DLGAP2: variants seen among roughly 807,000 people sequenced by gnomAD.
The protein encoded by DLGAP2 is disks large-associated protein 2.
Under a neutral mutation model 100.3 loss-of-function variants are expected in DLGAP2, and 26 were observed. That is an observed-to-expected ratio of 0.26 (90% CI 0.19 to 0.36). The LOEUF (loss-of-function observed/expected upper bound fraction) is 0.36, where lower values mean the gene tolerates loss of function less well. Among genes scored for constraint, DLGAP2 ranks in the 10% least tolerant of loss-of-function variants. The pLI, the probability that DLGAP2 is intolerant of heterozygous loss-of-function variation, is 1.00. For synonymous variants in DLGAP2, 886 were observed against 630.1 expected (o/e 1.41, Z -6.08); for missense variants, 1,858 against 1,453.2 (o/e 1.28, Z -4.53).
chr8:1,662,738 G>A (rs187468591), intron 8 of DLGAP2, among the ~76,000 whole-genome samples: 72 of 152,374 alleles, frequency 4.7e-4, no homozygotes, highest in East Asian at 1.4e-3. Context: ...AAAGTATAAC[G>A]TGCTCCACAG....
At chr8:1,530,662 A>G (rs973238476) in intron 4 of DLGAP2, among the ~76,000 whole-genome samples, 1 of 152,246 alleles carries the variant, frequency 6.6e-6, no homozygotes, top group Non-Finnish European at 1.5e-5. Context: ...AAAGACAGGC[A>G]TAAGAAATTA....
At chr8:1,040,421 GTCGGCTCAA>G (rs1802306171) in intron 2 of DLGAP2, among the ~76,000 whole-genome samples, 1 of 149,840 alleles carries the variant, frequency 6.7e-6, no homozygotes. Flanking sequence ...GGTGTGCGTG[GTCGGCTCAA>G]TGTGCGTGGT....
chr8:1,418,453 G>T (rs925185595), intron 3 of DLGAP2, among the ~76,000 whole-genome samples: 1 of 152,128 alleles, frequency 6.6e-6, no homozygotes, highest in Admixed American at 6.5e-5. Flanking sequence ...CGCTTAGCCT[G>T]AAATTATAGC....
intron 2 of DLGAP2, among the ~76,000 whole-genome samples, chr8:1,176,080 A>T (rs1395605933): frequency 6.6e-6 from 1 of 152,196 alleles, no homozygotes; most frequent in Non-Finnish European, 1.5e-5. Flanking sequence ...GAAACTGGGT[A>T]ATTTATAAAC....
chr8:1,462,773 C>A (rs1199010659), intron 3 of DLGAP2, among the ~76,000 whole-genome samples: 3 of 152,226 alleles, frequency 2.0e-5, no homozygotes, highest in African/African-American at 7.2e-5. Context: ...GGGATGCCTC[C>A]TGAACAAGCC....
At chr8:979,039 G>T (rs1399160780) in intron 2 of DLGAP2, among the ~76,000 whole-genome samples, 1 of 152,068 alleles carries the variant, frequency 6.6e-6, no homozygotes, top group Non-Finnish European at 1.5e-5. Context: ...TTCATTCTCC[G>T]CAGGAGTGTT....
chr8:1,521,760 ACACTTGTTTTAATTTGGAATACTCGGGCG>A (rs2130420988), intron 4 of DLGAP2, among the ~76,000 whole-genome samples: 1 of 84,232 alleles, frequency 1.2e-5, no homozygotes, highest in Non-Finnish European at 2.4e-5. Context: ...TCTGGTTTGC[ACACTTGTTTTAATTTGGAATACTCGGGCG>A]GCAGGTGATA....
chr8:1,531,069 C>T (rs532926225), intron 4 of DLGAP2, among the ~76,000 whole-genome samples: 1 of 152,264 alleles, frequency 6.6e-6, no homozygotes, highest in East Asian at 1.9e-4. Flanking sequence ...TATTGAGAAA[C>T]CATAAAGTTT....
At chr8:1,007,644 G>C (rs1472989644) in intron 2 of DLGAP2, among the ~76,000 whole-genome samples, 1 of 146,068 alleles carries the variant, frequency 6.8e-6, no homozygotes, top group Admixed American at 6.8e-5. Flanking sequence ...TTGGGGGGGG[G>C]ATCTTCTGTG....
At chr8:844,550 G>C (rs75081547) in intron 1 of DLGAP2, among the ~76,000 whole-genome samples, 6,579 of 151,872 alleles carry the variant, frequency 0.043, 217 homozygotes, top group African/African-American at 0.087. Context: ...GGATCAATAA[G>C]GTAGTACTGG....
chr8:1,052,530 T>C (rs1341606071), intron 2 of DLGAP2, among the ~76,000 whole-genome samples: 1 of 152,176 alleles, frequency 6.6e-6, no homozygotes, highest in Non-Finnish European at 1.5e-5. Flanking sequence ...CCAGGCATTG[T>C]GTAGGAGGAA....
rs148210985 is a variant in DLGAP2, at chr8:942,069, C to T, written c.73+34103C>T. Among the ~76,000 whole-genome samples, 200 of 152,266 alleles carry T rather than the reference C, an allele frequency of 1.3e-3. 1 individual carries two copies. Among genetic ancestry groups the T allele is most frequent in the African/African-American group, 4.6e-3 (193 of 41,534 alleles). ...CGAATTCTAGGCTTCAGTGATTCTC[C>T]TCCTCTGGCCTCGAGTCACTGGGAC... On this transcript the variant is annotated intron_variant, in intron 2 of 14. Transcript: ENST00000637795.
At chr8:1,169,028 G>A (rs375667593) in intron 2 of DLGAP2, among the ~76,000 whole-genome samples, 10 of 149,266 alleles carry the variant, frequency 6.7e-5, no homozygotes, top group Admixed American at 1.3e-4. Flanking sequence ...TAACGTTTAA[G>A]TCTTTAATCC....
chr8:751,997 C>T (rs559345278), intron 1 of DLGAP2, among the ~76,000 whole-genome samples: 29 of 152,150 alleles, frequency 1.9e-4, no homozygotes, highest in Non-Finnish European at 3.7e-4. Flanking sequence ...TTTTTTTCTC[C>T]TTAAAGAAGT....
intron 3 of DLGAP2, among the ~76,000 whole-genome samples, chr8:1,429,646 C>T (rs980866648): frequency 2.0e-5 from 3 of 151,920 alleles, no homozygotes; most frequent in Non-Finnish European, 1.5e-5. Flanking sequence ...ATATGTTCCA[C>T]TGCCCGGTGT....
intron 1 of DLGAP2, among the ~76,000 whole-genome samples, chr8:872,599 G>C (rs1482155220): frequency 1.3e-5 from 2 of 152,102 alleles, no homozygotes; most frequent in Non-Finnish European, 2.9e-5. Flanking sequence ...AAAGTGCTGG[G>C]ATTACAGGCG....
intron 2 of DLGAP2, among the ~76,000 whole-genome samples, chr8:1,055,647 C>T (rs7819835): frequency 0.03 from 4,632 of 152,268 alleles, 257 homozygotes; most frequent in African/African-American, 0.1. Context: ...AAACAGCCGT[C>T]GGATAGGCCG....
Position 1,193,796 on chromosome 8 carries a change from C to A in DLGAP2, c.74-65055C>A, listed in dbSNP as rs116394616. Among the ~76,000 whole-genome samples, 830 of 151,942 alleles carry A rather than the reference C, an allele frequency of 5.5e-3. 14 individuals carry two copies. Among genetic ancestry groups the A allele is most frequent in the African/African-American group, 0.019 (797 of 41,430 alleles). ...GCCTCTAGAGCCTCCGCACCATGCC[C>A]CCTGCAGCCAGCACCTGAGACCCCC... On this transcript the variant is annotated intron_variant, in intron 2 of 14. Coordinates refer to ENST00000637795, the MANE Select transcript of DLGAP2 (RefSeq NM_001346810.2).
At chr8:1,521,726 CGGG>C (rs761783831) in intron 4 of DLGAP2, among the ~76,000 whole-genome samples, 7 of 13,642 alleles carry the variant, frequency 5.1e-4, no homozygotes, top group South Asian at 7.5e-3. Flanking sequence ...TTGGAATACT[CGGG>C]GGCAGCTGAT....
Sources: allele counts gnomAD v4.1 joint callset (sites outside exome capture counted in the v4.1 genomes callset), GRCh38; gene constraint gnomAD v4.1.1; transcripts MANE v1.5; gene names NCBI Gene and HGNC (gene_info 2026-07-23, HGNC 2026-07-21).